Variants in THSD7B observed in about 807,000 individuals in gnomAD.
The protein encoded by THSD7B is thrombospondin type 1 domain containing 7B, also known as thrombospondin type-1 domain-containing protein 7B.
A neutral mutation model predicts 213.6 loss-of-function variants in THSD7B; 138 were observed. That is an observed-to-expected ratio of 0.65 (90% confidence interval 0.56 to 0.74). THSD7B has a LOEUF of 0.74. Among genes scored for constraint, THSD7B ranks in the 30% least tolerant of loss-of-function variants. The pLI is 0.00. For missense variants in THSD7B, 1,931 were observed against 1,991.5 expected, an observed-to-expected ratio of 0.97 and a Z score of 0.58; for synonymous variants, 742 against 687.0, an observed-to-expected ratio of 1.08 and a Z score of -1.25.
At chr2:136,837,643 C>T (rs964305022) in intron 1 of THSD7B, among the ~76,000 whole-genome samples, 6 of 152,218 alleles carry the variant, frequency 3.9e-5, no homozygotes, top group African/African-American at 1.4e-4. Context: ...AGTGTGGAAG[C>T]TCCATTTGGA....
intron 15 of THSD7B, among the ~76,000 whole-genome samples, chr2:137,481,481 GATGTTAA>G (rs1371081991): frequency 1.3e-5 from 2 of 152,178 alleles, no homozygotes; most frequent in East Asian, 3.8e-4. Flanking sequence ...GTTGTCATCT[GATGTTAA>G]ATAAAAAGTA....
intron 2 of THSD7B, among the ~76,000 whole-genome samples, chr2:136,970,675 T>G (rs1359898554): frequency 6.6e-6 from 1 of 152,056 alleles, no homozygotes; most frequent in Non-Finnish European, 1.5e-5. Flanking sequence ...CATCAGTAAC[T>G]AGATTGAAAG....
At chr2:137,040,355 A>G (rs1440943179) in intron 2 of THSD7B, among the ~76,000 whole-genome samples, 1 of 150,760 alleles carries the variant, frequency 6.6e-6, no homozygotes, top group East Asian at 2.0e-4. Context: ...AGGTAGCTAT[A>G]TTTCTTTTTC....
rs1226267583 is a variant in THSD7B, at chr2:137,102,784, A to G, written c.1199+7663A>G. 9.2e-5 allele frequency among the ~76,000 whole-genome samples: 14 copies of G among 152,236 alleles called. 1 individual carries two copies. The highest frequency in any genetic ancestry group is 8.5e-4 in the Admixed American group (13 of 15,280). On this transcript the variant is annotated intron_variant, in intron 4 of 27. Coordinates refer to ENST00000409968, the MANE Select transcript of THSD7B (RefSeq NM_001316349.2). Reference sequence around the variant, plus strand: ...GAATCGATCAAGGGGAAGAAAGGATATCAGAGATTGAAGATCAACTTAATG... The same window carrying G: ...GAATCGATCAAGGGGAAGAAAGGATGTCAGAGATTGAAGATCAACTTAATG...
At position 137,458,002 on chromosome 2, in the gene THSD7B, A is replaced by C. The variant is rs1361847237; in HGVS notation, c.3138+6979A>C. ...TCAATCATTTTTTACATTATTAACT[A>C]AACAAAAATGGGTGCCCTTTCAAGA... On this transcript the variant is annotated intron_variant, in intron 15 of 27. Coordinates refer to ENST00000409968, the MANE Select transcript of THSD7B (RefSeq NM_001316349.2). Among the ~76,000 whole-genome samples the C allele has an allele frequency of 2.0e-5, 3 of 152,220 alleles. No homozygotes were observed. The East Asian group carries it at 5.8e-4, about 29-fold the overall frequency.
intron 3 of THSD7B, among the ~76,000 whole-genome samples, chr2:137,091,958 C>T (rs1269531226): frequency 6.6e-6 from 1 of 152,098 alleles, no homozygotes. Flanking sequence ...TACTTGGCAA[C>T]AGTGACATTA....
At chr2:137,014,244 C>T (rs1462188768) in intron 2 of THSD7B, among the ~76,000 whole-genome samples, 2 of 152,158 alleles carry the variant, frequency 1.3e-5, no homozygotes, top group Non-Finnish European at 2.9e-5. Context: ...TCGAGGAAGG[C>T]TTCAGGCCCC....
At chr2:137,034,311 A>T (rs1046860076) in intron 2 of THSD7B, among the ~76,000 whole-genome samples, 1 of 152,052 alleles carries the variant, frequency 6.6e-6, no homozygotes, top group Non-Finnish European at 1.5e-5. Flanking sequence ...TCACCATGTC[A>T]GTCAGGATGC....
At chr2:137,313,690 A>T (rs547244856) in intron 12 of THSD7B, among the ~76,000 whole-genome samples, 1 of 152,158 alleles carries the variant, frequency 6.6e-6, no homozygotes, top group South Asian at 2.1e-4. Flanking sequence ...GAGCTCTTTT[A>T]GAGCCGGCCT....
At chr2:137,137,271 A>T (rs1679484135) in intron 5 of THSD7B, among the ~76,000 whole-genome samples, 1 of 152,092 alleles carries the variant, frequency 6.6e-6, no homozygotes, top group East Asian at 1.9e-4. Context: ...CTTCCCAGTT[A>T]ACTCATTCCA....
chr2:137,210,948 A>G (rs1235161765), intron 7 of THSD7B, among the ~76,000 whole-genome samples: 1 of 151,606 alleles, frequency 6.6e-6, no homozygotes, highest in African/African-American at 2.4e-5. Flanking sequence ...CATTTGGGGG[A>G]AAAAGGAAAA....
chr2:137,539,044 T>C (rs11692871), intron 15 of THSD7B, among the ~76,000 whole-genome samples: 25,285 of 151,658 alleles, frequency 0.17, 2,245 homozygotes, highest in South Asian at 0.28. Flanking sequence ...TTCTAGATTA[T>C]ATCAATATCT....
intron 18 of THSD7B, 146 bp from the exon 19 acceptor site, chr2:137,618,246 G>A (rs570376803): frequency 2.7e-4 from 167 of 628,098 alleles, no homozygotes; most frequent in Non-Finnish European, 4.1e-4. Flanking sequence ...TAAGGGCATT[G>A]CATGATGATT....
At chr2:137,290,058 A>G (rs913233288) in intron 12 of THSD7B, among the ~76,000 whole-genome samples, 2 of 151,854 alleles carry the variant, frequency 1.3e-5, no homozygotes, top group African/African-American at 4.8e-5. Context: ...GTAGTTACGC[A>G]TGATCTTCTC....
chr2:137,388,518 A>G (rs889131231), intron 12 of THSD7B, among the ~76,000 whole-genome samples: 3 of 152,146 alleles, frequency 2.0e-5, no homozygotes, highest in African/African-American at 7.2e-5. Flanking sequence ...TGTGTCAGAA[A>G]CATTTCAAGT....
chr2:137,070,286 TC>T (rs1390330200), intron 3 of THSD7B, among the ~76,000 whole-genome samples: 2 of 151,950 alleles, frequency 1.3e-5, no homozygotes, highest in Non-Finnish European at 2.9e-5. Flanking sequence ...TCTTTTTCAT[TC>T]TTTTTTTACA....
intron 15 of THSD7B, among the ~76,000 whole-genome samples, chr2:137,519,443 T>C (rs16839043): frequency 0.015 from 2,223 of 152,258 alleles, 55 homozygotes; most frequent in African/African-American, 0.049. Context: ...CTTCACCTGG[T>C]AGAACTGCTA....
At chr2:137,402,793 G>A (rs1312167422) in intron 12 of THSD7B, among the ~76,000 whole-genome samples, 2 of 138,064 alleles carry the variant, frequency 1.4e-5, no homozygotes, top group Non-Finnish European at 3.0e-5. Flanking sequence ...TCTAGCCTGT[G>A]CAGTGAAGCG....
intron 7 of THSD7B, among the ~76,000 whole-genome samples, chr2:137,213,910 C>G (rs1681176991): frequency 6.6e-6 from 1 of 152,112 alleles, no homozygotes; most frequent in African/African-American, 2.4e-5. Flanking sequence ...ATATGACTCT[C>G]TATCTTATAA....
Sources: allele counts gnomAD v4.1 joint callset (sites outside exome capture counted in the v4.1 genomes callset), GRCh38; gene constraint gnomAD v4.1.1; transcripts MANE v1.5; gene names NCBI Gene and HGNC (gene_info 2026-07-23, HGNC 2026-07-21).